Variants in PDE11A observed in about 807,000 individuals in gnomAD.
The protein encoded by PDE11A is dual 3',5'-cyclic-AMP and -GMP phosphodiesterase 11A.
PDE11A carries 100 observed loss-of-function variants against 100.5 expected under a neutral mutation model. The observed-to-expected ratio is 1.00, with a 90% CI of 0.85 to 1.18. The LOEUF is 1.18. Among genes scored for constraint, PDE11A ranks in the 50% most tolerant of loss-of-function variants. The probability of loss-of-function intolerance (pLI) is 0.00; values close to 1 mark genes in which losing one functional copy is unlikely to be tolerated. For synonymous variants in PDE11A, 381 were observed against 420.8 expected, an observed-to-expected ratio of 0.91 and a Z score of 1.16; for missense variants, 1,141 against 1,152.6, an observed-to-expected ratio of 0.99 and a Z score of 0.15.
intron 19 of PDE11A, among the ~76,000 whole-genome samples, chr2:177,658,172 G>A (rs994715421): frequency 2.0e-5 from 3 of 152,158 alleles, no homozygotes; most frequent in Admixed American, 1.3e-4. Context: ...TGTACCAGGG[G>A]TCCTTCTCTT....
In PDE11A at chr2:177,792,010, A is replaced by T. The variant is rs576732735; in HGVS notation, c.1738-22637T>A. ...AAAGGATCTCAGGCATTAACACTTA[A>T]AAAGGTTTTAATGATTAATTCTTAG... On this transcript the variant is annotated intron_variant, in intron 9 of 19. Transcript: ENST00000286063. 3.5e-4 allele frequency among the ~76,000 whole-genome samples: 53 copies of T among 152,300 alleles called. No homozygotes were observed. The South Asian group carries it at 0.011, about 30-fold the overall frequency.
intron 19 of PDE11A, among the ~76,000 whole-genome samples, chr2:177,661,478 C>T (rs553615761): frequency 5.9e-5 from 9 of 152,072 alleles, no homozygotes; most frequent in Non-Finnish European, 8.8e-5. Context: ...AATTTCATTT[C>T]GGAAGCACCA....
At chr2:177,717,292 T>C (rs2081453219) in intron 12 of PDE11A, among the ~76,000 whole-genome samples, 1 of 152,038 alleles carries the variant, frequency 6.6e-6, no homozygotes, top group African/African-American at 2.4e-5. Context: ...CTAAGTGTCC[T>C]TTTGCCCCTC....
rs553450963 is a variant in PDE11A at position 177,954,480 on chromosome 2, A to G, written c.1072-49293T>C. Among the ~76,000 whole-genome samples the G allele has an allele frequency of 4.0e-4, 61 of 152,312 alleles. No homozygotes were observed. The Middle Eastern group carries it at 0.017, about 43-fold the overall frequency. Reference sequence around the variant, plus strand: ...AGCAGACAAAATGCTGGAAGATTCAATAGTTCTTGAAGTCAGTTCCAGATT... The same window carrying G: ...AGCAGACAAAATGCTGGAAGATTCAGTAGTTCTTGAAGTCAGTTCCAGATT... On this transcript the variant is annotated intron_variant, in intron 2 of 19. Coordinates refer to ENST00000286063, the MANE Select transcript of PDE11A (RefSeq NM_016953.4).
intron 5 of PDE11A, among the ~76,000 whole-genome samples, chr2:177,850,216 T>G (rs1415541524): frequency 6.6e-6 from 1 of 152,096 alleles, no homozygotes; most frequent in Admixed American, 6.6e-5. Context: ...AACAGAGCCC[T>G]CAGAAATACT....
intron 2 of PDE11A, among the ~76,000 whole-genome samples, chr2:178,098,388 A>G (rs2087520867): frequency 6.6e-6 from 1 of 152,242 alleles, no homozygotes; most frequent in African/African-American, 2.4e-5. Context: ...CATTAAAAAC[A>G]ACTGTGGTAA....
intron 9 of PDE11A, among the ~76,000 whole-genome samples, chr2:177,773,167 C>T (rs757599544): frequency 6.6e-6 from 1 of 152,086 alleles, no homozygotes; most frequent in Non-Finnish European, 1.5e-5. Context: ...ATTACAGGAA[C>T]ACACCACCAC....
At chr2:177,888,787 C>T (rs2084481540) in intron 4 of PDE11A, 1 of 264,086 alleles carries the variant, frequency 3.8e-6, no homozygotes, top group Non-Finnish European at 5.9e-6. Flanking sequence ...GGATATATTT[C>T]CCAAGCACAG....
intron 1 of PDE11A, among the ~76,000 whole-genome samples, chr2:178,107,811 T>C (rs2087639468): frequency 6.7e-6 from 1 of 150,238 alleles, no homozygotes; most frequent in Admixed American, 6.6e-5. Context: ...AACCTCCGCT[T>C]CCCGGGTTCA....
intron 5 of PDE11A, among the ~76,000 whole-genome samples, chr2:177,870,137 G>A (rs1020021625): frequency 1.3e-5 from 2 of 151,916 alleles, no homozygotes; most frequent in African/African-American, 4.8e-5. Flanking sequence ...CCGTGTAGAT[G>A]TATTTCAGTA....
chr2:177,728,988 G>C (rs1020097664), intron 10 of PDE11A, among the ~76,000 whole-genome samples: 1 of 152,128 alleles, frequency 6.6e-6, no homozygotes, highest in Non-Finnish European at 1.5e-5. Context: ...ATCACTCTTG[G>C]TAAGGGAGTC....
intron 2 of PDE11A, among the ~76,000 whole-genome samples, chr2:177,950,885 T>C (rs1295665149): frequency 1.3e-5 from 2 of 151,994 alleles, no homozygotes; most frequent in African/African-American, 4.8e-5. Flanking sequence ...CATTCCAAGA[T>C]AGTGCCATTG....
chr2:178,020,924 G>GGGGGGTGT (rs1491389840), intron 1 of PDE11A, among the ~76,000 whole-genome samples: 3 of 125,740 alleles, frequency 2.4e-5, no homozygotes, highest in Non-Finnish European at 5.1e-5. Flanking sequence ...TTTTTGTCTT[G>GGGGGGTGT]GTGTGTGTGT....
At chr2:177,662,699 A>G (rs1223952459) in intron 19 of PDE11A, among the ~76,000 whole-genome samples, 1 of 152,248 alleles carries the variant, frequency 6.6e-6, no homozygotes, top group African/African-American at 2.4e-5. Context: ...TATAACTAAA[A>G]TAAGCAGTTG....
intron 2 of PDE11A, among the ~76,000 whole-genome samples, chr2:177,985,953 G>C (rs1433216385): frequency 6.6e-6 from 1 of 152,142 alleles, no homozygotes; most frequent in Non-Finnish European, 1.5e-5. Flanking sequence ...TCTAGAACAA[G>C]TTCTCTCAAA....
intron 5 of PDE11A, among the ~76,000 whole-genome samples, chr2:177,850,408 G>A (rs2083680795): frequency 2.0e-5 from 3 of 152,092 alleles, no homozygotes; most frequent in Admixed American, 2.0e-4. Context: ...AGACTTAAAT[G>A]TTAGACCTAA....
At chr2:177,910,722 C>A (rs914389321) in intron 2 of PDE11A, among the ~76,000 whole-genome samples, 1 of 152,128 alleles carries the variant, frequency 6.6e-6, no homozygotes, top group African/African-American at 2.4e-5. Context: ...GTAAAAAAGT[C>A]ACTTTAGCCC....
At chr2:178,082,039 A>G (rs986620675) in intron 2 of PDE11A, among the ~76,000 whole-genome samples, 6 of 152,236 alleles carry the variant, frequency 3.9e-5, no homozygotes, top group South Asian at 4.1e-4. Flanking sequence ...GCACAATGTC[A>G]TCTCCATCAC....
At chr2:177,933,702 G>A (rs2085237578) in intron 2 of PDE11A, among the ~76,000 whole-genome samples, 1 of 151,762 alleles carries the variant, frequency 6.6e-6, no homozygotes, top group Non-Finnish European at 1.5e-5. Flanking sequence ...TAAATAAATA[G>A]CCAGTGGTAT....
Sources: gnomAD v4.1 joint callset for allele counts (sites outside exome capture counted in the v4.1 genomes callset) on GRCh38, gnomAD v4.1.1 for gene constraint, MANE v1.5 for transcripts, NCBI Gene and HGNC (gene_info 2026-07-23, HGNC 2026-07-21) for gene names.